SSBP3: variants seen among roughly 807,000 people sequenced by gnomAD.
The protein encoded by SSBP3 is single-stranded DNA-binding protein 3.
In SSBP3, 5 loss-of-function variants were observed where a neutral mutation model predicts 69.6. The ratio of observed to expected loss-of-function variants is 0.07; its 90% CI spans 0.04 to 0.15. The LOEUF is 0.15. Among genes scored for constraint, SSBP3 ranks in the 10% least tolerant of loss-of-function variants. The pLI, the probability that SSBP3 is intolerant of heterozygous loss-of-function variation, is 1.00. For synonymous variants in SSBP3, 196 were observed against 193.4 expected, an observed-to-expected ratio of 1.01 and a Z score of -0.11; for missense variants, 312 against 534.0, an observed-to-expected ratio of 0.58 and a Z score of 4.10.
At chr1:54,301,600 C>T (rs1185620448) in intron 4 of SSBP3, among the ~76,000 whole-genome samples, 1 of 152,210 alleles carries the variant, frequency 6.6e-6, no homozygotes, top group Non-Finnish European at 1.5e-5. Context: ...AGGCACATAA[C>T]CCTGAAGAGG....
intron 5 of SSBP3, among the ~76,000 whole-genome samples, chr1:54,259,745 C>T (rs1644986251): frequency 6.6e-6 from 1 of 152,260 alleles, no homozygotes; most frequent in South Asian, 2.1e-4. Context: ...GGGGGCTGTA[C>T]AAGAACCCGA....
At chr1:54,283,447 T>G (rs1645432792) in intron 4 of SSBP3, among the ~76,000 whole-genome samples, 1 of 152,202 alleles carries the variant, frequency 6.6e-6, no homozygotes, top group Non-Finnish European at 1.5e-5. Flanking sequence ...GTGGGATGAC[T>G]GTGGGCAAGC....
intron 3 of SSBP3, among the ~76,000 whole-genome samples, chr1:54,403,759 G>A (rs1020461933): frequency 3.9e-5 from 6 of 152,108 alleles, no homozygotes; most frequent in Admixed American, 3.9e-4. Context: ...TTTTCAAAAG[G>A]ATGTCAAAGA....
At chr1:54,265,603 A>G (rs1645087990) in intron 5 of SSBP3, among the ~76,000 whole-genome samples, 1 of 152,184 alleles carries the variant, frequency 6.6e-6, no homozygotes, top group South Asian at 2.1e-4. Context: ...GGAGAGGACA[A>G]GGAGAGGGCT....
chr1:54,241,351 C>G, intron 12 of SSBP3, 123 bp downstream of exon 12: 2 of 1,113,206 alleles, frequency 1.8e-6, no homozygotes, highest in Non-Finnish European at 2.7e-6. Flanking sequence ...CAAGTTCTAG[C>G]AGTTTGGAAC....
upstream of SSBP3, among the ~76,000 whole-genome samples, chr1:54,411,100 T>C (rs77587662): frequency 1.9e-4 from 29 of 152,368 alleles, no homozygotes; most frequent in African/African-American, 7.0e-4. Flanking sequence ...TGGGTTAGTA[T>C]AGAATCGGTT....
chr1:54,386,383 G>A (rs1268832367), intron 4 of SSBP3, among the ~76,000 whole-genome samples: 3 of 152,192 alleles, frequency 2.0e-5, no homozygotes, highest in Non-Finnish European at 4.4e-5. Context: ...ACCTTATGGA[G>A]CGGTCCACAT....
At chr1:54,404,283 A>G (rs1158681952) in intron 3 of SSBP3, among the ~76,000 whole-genome samples, 1 of 152,128 alleles carries the variant, frequency 6.6e-6, no homozygotes, top group Non-Finnish European at 1.5e-5. Context: ...AAATCCTCCA[A>G]TGTTTTTTCA....
intron 4 of SSBP3, among the ~76,000 whole-genome samples, chr1:54,335,219 G>A (rs1646488504): frequency 4.6e-5 from 7 of 152,188 alleles, no homozygotes. Flanking sequence ...AGCCACATGT[G>A]CAAACTGTTG....
chr1:54,247,865 ACTG>A (rs1644760505), intron 9 of SSBP3, among the ~76,000 whole-genome samples: 1 of 152,238 alleles, frequency 6.6e-6, no homozygotes, highest in African/African-American at 2.4e-5. Flanking sequence ...ACTACCTGAT[ACTG>A]ACATACATAA....
upstream of SSBP3, among the ~76,000 whole-genome samples, chr1:54,407,256 C>T (rs1304424160): frequency 6.6e-6 from 1 of 152,200 alleles, no homozygotes; most frequent in Non-Finnish European, 1.5e-5. Flanking sequence ...AGCCCCTCGG[C>T]TTCTGCACGG....
At chr1:54,370,625 C>A (rs1216810983) in intron 4 of SSBP3, among the ~76,000 whole-genome samples, 2 of 152,086 alleles carry the variant, frequency 1.3e-5, no homozygotes, top group Non-Finnish European at 2.9e-5. Context: ...GGGTAATAAG[C>A]CTTGTCTGTC....
exon 18 of SSBP3, chr1:54,225,506 C>CT (rs919062267): frequency 1.7e-5 from 18 of 1,067,718 alleles, no homozygotes; most frequent in African/African-American, 6.5e-5. Flanking sequence ...ATCATAATTA[C>CT]TTTTTTTTCC....
chr1:54,242,120 C>T (rs1271402622), intron 11 of SSBP3, 44 bp downstream of exon 11: 1 of 1,608,800 alleles, frequency 6.2e-7, no homozygotes, highest in Non-Finnish European at 8.5e-7. Flanking sequence ...GCACCCAGAA[C>T]CGCTCCCCTG....
intron 5 of SSBP3, among the ~76,000 whole-genome samples, chr1:54,259,250 C>T (rs1057182512): frequency 2.0e-5 from 3 of 151,898 alleles, no homozygotes; most frequent in Admixed American, 2.0e-4. Context: ...CTCAGCAATT[C>T]AGCAAGCTGC....
chr1:54,400,711 GC>G (rs1201488426), intron 4 of SSBP3, among the ~76,000 whole-genome samples: 1 of 152,160 alleles, frequency 6.6e-6, no homozygotes, highest in Non-Finnish European at 1.5e-5. Flanking sequence ...AAACCAGTAG[GC>G]CACCACCTGA....
At chr1:54,330,816 CAG>C (rs1646396497) in intron 4 of SSBP3, among the ~76,000 whole-genome samples, 1 of 152,214 alleles carries the variant, frequency 6.6e-6, no homozygotes, top group South Asian at 2.1e-4. Context: ...ACACCCTTAA[CAG>C]ATCGCCAACG....
intron 7 of SSBP3, among the ~76,000 whole-genome samples, chr1:54,254,344 G>A (rs995479280): frequency 3.3e-5 from 5 of 152,196 alleles, no homozygotes; most frequent in African/African-American, 7.2e-5. Context: ...GACCTCTGCC[G>A]AGATGTGTGT....
chr1:54,234,589 C>G (rs1185258603), intron 14 of SSBP3, among the ~76,000 whole-genome samples: 1 of 151,864 alleles, frequency 6.6e-6, no homozygotes, highest in African/African-American at 2.4e-5. Context: ...TATCTCTAAA[C>G]AGACAAACAA....
Sources: gnomAD v4.1 joint callset for allele counts (sites outside exome capture counted in the v4.1 genomes callset) on GRCh38, gnomAD v4.1.1 for gene constraint, MANE v1.5 for transcripts, NCBI Gene and HGNC (gene_info 2026-07-23, HGNC 2026-07-21) for gene names.